The following DMD variants were observed in gnomAD, a reference collection of about 807,000 sequenced individuals.
DMD encodes the protein mutant dystrophin.
In DMD, 63 loss-of-function variants were observed where a neutral mutation model predicts 330.1. The observed-to-expected ratio is 0.19, with a 90% confidence interval of 0.16 to 0.24. The LOEUF is 0.24. Ranked by LOEUF, DMD falls within the 10% of genes least tolerant of loss-of-function variation. DMD has a pLI of 1.00. For synonymous variants in DMD, 1,223 were observed against 959.8 expected (o/e 1.27, Z -5.07); for missense variants, 3,344 against 2,684.1 (o/e 1.25, Z -5.43).
chrX:32,815,520 T>TATATATATATATATACACACAC, intron 6 of DMD, among the ~76,000 whole-genome samples: 51 of 78,890 alleles, frequency 6.5e-4, no homozygotes, highest in African/African-American at 2.4e-3. Flanking sequence ...TATATATATA[T>TATATATATATATATACACACAC]ACACACACAC....
At chrX:31,734,624 T>C (rs1158612814) in intron 51 of DMD, among the ~76,000 whole-genome samples, 1 of 111,681 alleles carries the variant, frequency 9.0e-6, no homozygotes, top group East Asian at 2.8e-4. Context: ...AGCAATTTTT[T>C]AAGTGCTTCT....
chrX:32,499,409 G>C (rs758797004), intron 19 of DMD, among the ~76,000 whole-genome samples: 1 of 111,093 alleles, frequency 9.0e-6, no homozygotes, highest in Non-Finnish European at 1.9e-5. Flanking sequence ...ATTTTTATTA[G>C]TGGCATAATA....
chrX:32,782,718 T>G (rs762416042), intron 7 of DMD, among the ~76,000 whole-genome samples: 63 of 110,217 alleles, frequency 5.7e-4, no homozygotes, highest in South Asian at 1.5e-3. Context: ...AGGGTGAATA[T>G]AGTCAATAAT....
chrX:31,212,587 G>A (rs956741498), intron 64 of DMD, among the ~76,000 whole-genome samples: 2 of 111,505 alleles, frequency 1.8e-5, no homozygotes, highest in African/African-American at 6.5e-5. Flanking sequence ...GTATGCCACA[G>A]TAGCTAACTC....
intron 63 of DMD, among the ~76,000 whole-genome samples, chrX:31,232,853 T>A (rs1485016846): frequency 8.9e-6 from 1 of 111,944 alleles, no homozygotes; most frequent in Non-Finnish European, 1.9e-5. Flanking sequence ...TGAAAGAAAG[T>A]AAATCTTCAA....
At chrX:32,401,842 C>T (rs777536451) in intron 30 of DMD, among the ~76,000 whole-genome samples, 9 of 112,345 alleles carry the variant, frequency 8.0e-5, no homozygotes, top group African/African-American at 2.6e-4. Flanking sequence ...ACATCTACTA[C>T]GTGCCTACAA....
At chrX:32,584,912 T>C (rs2054054897) in intron 13 of DMD, among the ~76,000 whole-genome samples, 1 of 111,527 alleles carries the variant, frequency 9.0e-6, no homozygotes, top group Admixed American at 9.6e-5. Flanking sequence ...GCTTGATACT[T>C]CAATTTAAAA....
At chrX:32,552,137 T>G (rs1447417943) in intron 16 of DMD, among the ~76,000 whole-genome samples, 1 of 111,911 alleles carries the variant, frequency 8.9e-6, no homozygotes, top group Non-Finnish European at 1.9e-5. Context: ...AAAATTCAGT[T>G]GGAGCCACTA....
intron 1 of DMD, among the ~76,000 whole-genome samples, chrX:33,237,365 T>C (rs369486577): frequency 9.1e-6 from 1 of 109,617 alleles, no homozygotes; most frequent in Admixed American, 9.8e-5. Context: ...TGCCTCAGCC[T>C]CCCAAGTAGC....
At chrX:32,467,019 A>C (rs1226141271) in intron 23 of DMD, among the ~76,000 whole-genome samples, 1 of 112,220 alleles carries the variant, frequency 8.9e-6, no homozygotes, top group Non-Finnish European at 1.9e-5. Flanking sequence ...AACAAGAGCC[A>C]TGTAATTGTG....
chrX:32,780,961 T>TA (rs1355248152), intron 7 of DMD, among the ~76,000 whole-genome samples: 5 of 104,569 alleles, frequency 4.8e-5, no homozygotes, highest in Admixed American at 4.1e-4. Context: ...AAATAAAAAA[T>TA]AAAAAAATTA....
At chrX:33,065,320 A>G (rs2094637481) in intron 1 of DMD, among the ~76,000 whole-genome samples, 1 of 112,678 alleles carries the variant, frequency 8.9e-6, no homozygotes, top group Non-Finnish European at 1.9e-5. Context: ...TGCTTACAAT[A>G]CCTAGAAATT....
intron 22 of DMD, 127 bp downstream of exon 22, chrX:32,472,037 A>G: frequency 1.2e-6 from 1 of 844,871 alleles, no homozygotes; most frequent in Admixed American, 2.3e-5. Context: ...TCTCATTTTC[A>G]TTTGCTCAAT....
intron 51 of DMD, among the ~76,000 whole-genome samples, chrX:31,765,196 AG>A (rs2089908742): frequency 8.9e-6 from 1 of 111,938 alleles, no homozygotes; most frequent in Admixed American, 9.5e-5. Flanking sequence ...ATCCCTGGAA[AG>A]ATAAACATAG....
At chrX:32,106,837 T>C (rs2096566185) in intron 44 of DMD, among the ~76,000 whole-genome samples, 1 of 111,828 alleles carries the variant, frequency 8.9e-6, no homozygotes, top group Non-Finnish European at 1.9e-5. Context: ...GCAGGTACAA[T>C]TACCATGAGG....
At chrX:32,650,593 C>T (rs1477626404) in intron 9 of DMD, among the ~76,000 whole-genome samples, 3 of 111,676 alleles carry the variant, frequency 2.7e-5, no homozygotes, top group Non-Finnish European at 5.6e-5. Context: ...AACACGTAAA[C>T]CAAGGTACTA....
Position 32,216,686 on chromosome X carries a change from A to T in DMD, c.6438+230T>A, listed in dbSNP as rs1005385909. Among the ~76,000 whole-genome samples the T allele has an allele frequency of 4.5e-5, 5 of 111,469 alleles. No homozygotes were observed. In the Admixed American group the frequency reaches 4.8e-4, roughly 11 times the overall value. ...CAGATTCAATTATATTTTGCAGTTT[A>T]TCAGATAAACCAGCTCCGTCCAGGC... On this transcript the variant is annotated intron_variant, in intron 44 of 78. Coordinates refer to ENST00000357033, the MANE Select transcript of DMD (RefSeq NM_004006.3).
chrX:31,875,851 C>T (rs985527165), intron 47 of DMD, among the ~76,000 whole-genome samples: 5 of 112,260 alleles, frequency 4.5e-5, no homozygotes, highest in African/African-American at 6.5e-5. Context: ...TTATTCAATG[C>T]GCATCCTAAA....
intron 45 of DMD, among the ~76,000 whole-genome samples, chrX:31,938,223 T>A (rs2094947620): frequency 1.8e-5 from 2 of 111,753 alleles, no homozygotes; most frequent in South Asian, 7.4e-4. Flanking sequence ...AATCTTTTAA[T>A]ATTCCATACA....
Sources: gnomAD v4.1 joint callset for allele counts (sites outside exome capture counted in the v4.1 genomes callset) on GRCh38, gnomAD v4.1.1 for gene constraint, MANE v1.5 for transcripts, NCBI Gene and HGNC (gene_info 2026-07-23, HGNC 2026-07-21) for gene names.